Variants in FAM133A observed in about 807,000 individuals in gnomAD.
FAM133A encodes the protein protein FAM133A.
For synonymous variants in FAM133A, 65 were observed against 58.6 expected, an observed-to-expected ratio of 1.11 and a Z score of -0.50; for missense variants, 159 against 164.4, an observed-to-expected ratio of 0.97 and a Z score of 0.18.
rs41300904 is a variant in FAM133A, at chrX:93,711,151, G to T, written c.*985G>T. ...ATTAATTTCATTACTGTGTTTAATT[G>T]CACCCTTGCCAAAATATTTAGCATG... On this transcript the variant is annotated 3_prime_UTR_variant, in exon 4 of 4. Coordinates refer to ENST00000683942, the MANE Select transcript of FAM133A (RefSeq NM_001171109.2). The T allele has an allele frequency of 6.5e-5, 8 of 122,192 alleles. No individual in the cohort carries two copies. Among genetic ancestry groups the T allele is most frequent in the Non-Finnish European group, 1.3e-4 (7 of 52,963 alleles). 10.1% of individuals were successfully genotyped at this position (122,192 alleles called of 1,213,427 possible).
chrX:93,706,678 C>T (rs762045622), intron 3 of FAM133A, among the ~76,000 whole-genome samples: 1 of 111,774 alleles, frequency 8.9e-6, no homozygotes, highest in East Asian at 2.8e-4. Flanking sequence ...TGCCTTTGGT[C>T]TAATGTGTCG....
chrX:93,687,558 G>A (rs1301723041), intron 2 of FAM133A, among the ~76,000 whole-genome samples: 1 of 111,485 alleles, frequency 9.0e-6, no homozygotes, highest in Non-Finnish European at 1.9e-5. Context: ...ATATTTACGG[G>A]TTACAACATG....
At chrX:93,689,723 G>T (rs1461718568) in intron 2 of FAM133A, among the ~76,000 whole-genome samples, 2 of 110,671 alleles carry the variant, frequency 1.8e-5, no homozygotes, top group African/African-American at 6.6e-5. Flanking sequence ...GGACTGTAGT[G>T]ATATGAAGAT....
chrX:93,681,943 A>T (rs1925189424), intron 2 of FAM133A, among the ~76,000 whole-genome samples: 1 of 112,108 alleles, frequency 8.9e-6, no homozygotes, highest in Admixed American at 9.5e-5. Flanking sequence ...AAATGATTAG[A>T]CTATCTGACC....
chrX:93,708,855 G>A (rs1241901390), intron 3 of FAM133A, among the ~76,000 whole-genome samples: 1 of 111,521 alleles, frequency 9.0e-6, no homozygotes, highest in Admixed American at 9.5e-5. Context: ...GTAATGTATT[G>A]GATTTGACCG....
At chrX:93,675,093 A>G (rs904993126) in intron 2 of FAM133A, among the ~76,000 whole-genome samples, 1 of 112,289 alleles carries the variant, frequency 8.9e-6, no homozygotes, top group African/African-American at 3.2e-5. Flanking sequence ...AAAAGTTAGG[A>G]AACGCTTTTC....
chrX:93,684,405 C>A (rs181809751), intron 2 of FAM133A, among the ~76,000 whole-genome samples: 19 of 111,945 alleles, frequency 1.7e-4, no homozygotes, highest in African/African-American at 5.5e-4. Context: ...ATACAAAAAT[C>A]AGTTATTGAA....
At chrX:93,680,279 C>G (rs917081507) in intron 2 of FAM133A, among the ~76,000 whole-genome samples, 2 of 111,023 alleles carry the variant, frequency 1.8e-5, no homozygotes, top group African/African-American at 6.6e-5. Flanking sequence ...CAAGATTTCC[C>G]TTTTTAAAGT....
chrX:93,703,347 C>T (rs1602843906), intron 3 of FAM133A, among the ~76,000 whole-genome samples: 1 of 111,012 alleles, frequency 9.0e-6, no homozygotes, highest in East Asian at 2.8e-4. Context: ...TAGATGGATT[C>T]CTGGGACAGT....
At position 93,704,218 on chromosome X, in the gene FAM133A, G is replaced by T. The variant is rs746220373; in HGVS notation, c.-103-5099G>T. Among the ~76,000 whole-genome samples, 3 of 111,586 alleles carry T rather than the reference G, an allele frequency of 2.7e-5. No individual in the cohort carries two copies. The East Asian group carries it at 8.4e-4, about 31-fold the overall frequency. On this transcript the variant is annotated intron_variant, in intron 3 of 3. Coordinates refer to ENST00000683942, the MANE Select transcript of FAM133A (RefSeq NM_001171109.2). ...GTCCTGTGACTTAGATTGCACTATT[G>T]TTATTTTCTATATTATCATCCAATG...
chrX:93,684,290 T>G (rs190501016), intron 2 of FAM133A, among the ~76,000 whole-genome samples: 1 of 112,133 alleles, frequency 8.9e-6, no homozygotes, highest in African/African-American at 3.2e-5. Flanking sequence ...CTTGGAGCCT[T>G]TGTCAAAAAT....
intron 2 of FAM133A, among the ~76,000 whole-genome samples, chrX:93,680,361 T>G (rs1211765658): frequency 9.0e-6 from 1 of 111,673 alleles, no homozygotes; most frequent in Non-Finnish European, 1.9e-5. Flanking sequence ...ACACTTAGGT[T>G]TATTCCATAT....
chrX:93,700,279 G>T (rs1228287845), intron 3 of FAM133A, among the ~76,000 whole-genome samples: 1 of 110,592 alleles, frequency 9.0e-6, no homozygotes, highest in African/African-American at 3.3e-5. Flanking sequence ...GACTCATTCT[G>T]ATATATTTGG....
intron 3 of FAM133A, among the ~76,000 whole-genome samples, chrX:93,703,327 T>C (rs182058516): frequency 1.3e-3 from 144 of 111,907 alleles, no homozygotes; most frequent in African/African-American, 4.5e-3. Context: ...CTACTTGTAA[T>C]GTGGTATCTT....
Position 93,703,983 on chromosome X carries a change from T to G in FAM133A, c.-103-5334T>G, listed in dbSNP as rs985096530. On this transcript the variant is annotated intron_variant, in intron 3 of 3. Coordinates refer to ENST00000683942, the MANE Select transcript of FAM133A (RefSeq NM_001171109.2). ...GAAGAACTGTTTCCACACTGCACAG[T>G]TTTCTACCATGTTGATTCCAGTCAG... Among the ~76,000 whole-genome samples the G allele has an allele frequency of 3.5e-4, 39 of 111,869 alleles. 1 individual carries two copies. Among genetic ancestry groups the G allele is most frequent in the African/African-American group, 1.3e-3 (39 of 30,810 alleles).
intron 3 of FAM133A, among the ~76,000 whole-genome samples, chrX:93,703,392 T>C (rs1396587015): frequency 1.8e-5 from 2 of 110,676 alleles, no homozygotes; most frequent in Non-Finnish European, 3.8e-5. Flanking sequence ...GAACTTTGAA[T>C]AAAGAATGGA....
chrX:93,688,396 C>T (rs1346126499), intron 2 of FAM133A, among the ~76,000 whole-genome samples: 1 of 110,708 alleles, frequency 9.0e-6, no homozygotes, highest in Non-Finnish European at 1.9e-5. Context: ...TTTTCTGTTT[C>T]CTCATTTTCT....
intron 2 of FAM133A, among the ~76,000 whole-genome samples, chrX:93,696,493 G>C (rs1189190913): frequency 8.9e-6 from 1 of 111,738 alleles, no homozygotes; most frequent in Non-Finnish European, 1.9e-5. Flanking sequence ...CCAGATTACT[G>C]CCTCTAAAAC....
intron 2 of FAM133A, among the ~76,000 whole-genome samples, chrX:93,692,655 G>T (rs756760238): frequency 9.0e-6 from 1 of 111,297 alleles, no homozygotes; most frequent in South Asian, 3.8e-4. Context: ...AATCATCATT[G>T]CTTCCCTAAG....
Sources: gnomAD v4.1 joint callset for allele counts (sites outside exome capture counted in the v4.1 genomes callset) on GRCh38, gnomAD v4.1.1 for gene constraint, MANE v1.5 for transcripts, NCBI Gene and HGNC (gene_info 2026-07-23, HGNC 2026-07-21) for gene names.